EPHA6: variants seen among roughly 807,000 people sequenced by gnomAD.
EPHA6 encodes the protein EPH receptor A6, also known as ephrin type-A receptor 6.
In EPHA6, 50 loss-of-function variants were observed where a neutral mutation model predicts 112.0. The observed-to-expected ratio is 0.45, with a 90% CI of 0.36 to 0.56. The LOEUF is 0.56. EPHA6 is among the 20% of genes least tolerant of loss of function. EPHA6 has a pLI of 0.00. For missense variants in EPHA6, 1,280 were observed against 1,417.4 expected, an observed-to-expected ratio of 0.90 and a Z score of 1.56; for synonymous variants, 529 against 490.7, an observed-to-expected ratio of 1.08 and a Z score of -1.03.
rs1197703798 is a variant in EPHA6, at chr3:97,732,169, C to T, written c.2935-3756C>T. Among the ~76,000 whole-genome samples the T allele has an allele frequency of 2.0e-5, 3 of 151,724 alleles. No homozygotes were observed. The East Asian group carries it at 5.8e-4, about 29-fold the overall frequency. On this transcript the variant is annotated intron_variant, in intron 15 of 17. Coordinates refer to ENST00000389672, the MANE Select transcript of EPHA6 (RefSeq NM_001080448.3). ...CGTGATCTCAAGAAACATAATTTTA[C>T]GTAACCTCCCAACCTCAAAACTCAC... is the stretch of plus-strand genomic sequence containing the variant.
At chr3:96,913,044 T>C (rs2039297722) in intron 2 of EPHA6, among the ~76,000 whole-genome samples, 1 of 151,868 alleles carries the variant, frequency 6.6e-6, no homozygotes, top group Non-Finnish European at 1.5e-5. Context: ...ATGTGGATTT[T>C]AAGGCAGGGT....
chr3:97,607,809 T>C (rs1033790763), intron 12 of EPHA6, among the ~76,000 whole-genome samples: 4 of 151,160 alleles, frequency 2.6e-5, no homozygotes, highest in Non-Finnish European at 5.9e-5. Flanking sequence ...TAGAAAGAGA[T>C]AATAAATTAC....
intron 8 of EPHA6, among the ~76,000 whole-genome samples, chr3:97,476,497 T>G (rs1023794858): frequency 3.9e-5 from 6 of 152,096 alleles, no homozygotes; most frequent in African/African-American, 1.4e-4. Context: ...CCGAAAACAC[T>G]ATTTGTTTTT....
chr3:97,688,587 AG>A (rs1286404894), intron 14 of EPHA6, among the ~76,000 whole-genome samples: 2 of 69,666 alleles, frequency 2.9e-5, no homozygotes, highest in Non-Finnish European at 5.2e-5. Flanking sequence ...GGGTGGGGGG[AG>A]GGGGGAGGGA....
rs578048574 is a variant in EPHA6, at chr3:97,239,703, G to A, written c.1271-4249G>A. On this transcript the variant is annotated intron_variant, in intron 4 of 17. Coordinates refer to ENST00000389672, the MANE Select transcript of EPHA6 (RefSeq NM_001080448.3). ...AGGAGGAGGAGAGAAAGAAGGGCTT[G>A]TTCTTTCTGTCTCAGGGGAGGCAGA... 1.3e-4 allele frequency among the ~76,000 whole-genome samples: 19 copies of A among 151,864 alleles called. No individual in the cohort carries two copies. The South Asian group carries it at 4.0e-3, about 32-fold the overall frequency.
Position 97,736,000 on chromosome 3 carries a change from C to T in EPHA6, c.3010C>T (p.Leu1004Phe). The T allele has an allele frequency of 1.9e-6, 3 of 1,612,638 alleles. No homozygotes were observed. Among genetic ancestry groups the T allele is most frequent in the Non-Finnish European group, 2.5e-6 (3 of 1,179,102 alleles). Residue 1004 changes from leucine (L) to phenylalanine (F), a missense_variant, in exon 16 of 18, where the codon CTC (leucine) becomes TTC (phenylalanine). Around this residue, in one of 4 missense-constraint regions of EPHA6, gnomAD observed 37 missense variants for 92.9 expected, o/e 0.40. Coordinates refer to ENST00000389672, the MANE Select transcript of EPHA6 (RefSeq NM_001080448.3). ...GCPASLHQLM[L>F]HCWQKERNHR... ...TCCAGCATCTCTACACCAGCTGATG[C>T]TCCACTGCTGGCAGAAGGAGAGAAA...
intron 3 of EPHA6, among the ~76,000 whole-genome samples, chr3:97,187,662 G>GAAA (rs1341325103): frequency 9.8e-6 from 1 of 101,700 alleles, no homozygotes; most frequent in Non-Finnish European, 2.0e-5. Context: ...AAGAAAGAAA[G>GAAA]GAAAGAAAGA....
chr3:96,918,800 G>T (rs1416153143), intron 2 of EPHA6, among the ~76,000 whole-genome samples: 1 of 151,836 alleles, frequency 6.6e-6, no homozygotes, highest in Admixed American at 6.6e-5. Context: ...TTTTGTACAG[G>T]CTCTCATAAA....
chr3:97,076,965 C>T (rs2046547255), intron 3 of EPHA6, among the ~76,000 whole-genome samples: 1 of 152,084 alleles, frequency 6.6e-6, no homozygotes, highest in African/African-American at 2.4e-5. Context: ...GACAATGTAT[C>T]TAGTCACCCA....
rs527526261 is a variant in EPHA6, at chr3:97,416,925, C to T, written c.1731+11651C>T. On this transcript the variant is annotated intron_variant, in intron 6 of 17. Coordinates refer to ENST00000389672, the MANE Select transcript of EPHA6 (RefSeq NM_001080448.3). ...TTTATACCTCTCATTCTCTTCTTTC[C>T]CTTTTTTAAAGGCTCAGATCAAGGT... Among the ~76,000 whole-genome samples the T allele has an allele frequency of 3.3e-5, 5 of 152,078 alleles. No homozygotes were observed. In the South Asian group the frequency reaches 1.0e-3, roughly 32 times the overall value.
At chr3:97,507,892 G>C (rs2092287460) in intron 10 of EPHA6, among the ~76,000 whole-genome samples, 2 of 151,906 alleles carry the variant, frequency 1.3e-5, no homozygotes, top group Admixed American at 1.3e-4. Flanking sequence ...GCCTTGGGAG[G>C]GTGTACGTGT....
intron 3 of EPHA6, among the ~76,000 whole-genome samples, chr3:97,008,891 G>A (rs2043980978): frequency 6.6e-6 from 1 of 151,960 alleles, no homozygotes; most frequent in African/African-American, 2.4e-5. Flanking sequence ...CTCTTCTGTA[G>A]GGCTACTGCA....
At chr3:97,595,902 C>CTTTTTTTTT (rs1198606431) in intron 12 of EPHA6, among the ~76,000 whole-genome samples, 1 of 115,028 alleles carries the variant, frequency 8.7e-6, no homozygotes, top group Admixed American at 1.0e-4. Context: ...GACATATTCT[C>CTTTTTTTTT]TTTTTTTTTT....
intron 5 of EPHA6, among the ~76,000 whole-genome samples, chr3:97,271,556 G>A (rs1226291234): frequency 6.6e-6 from 1 of 152,064 alleles, no homozygotes; most frequent in Non-Finnish European, 1.5e-5. Flanking sequence ...CGGGGTTTCA[G>A]CATGTTGATC....
At chr3:97,281,722 G>A (rs1270832796) in intron 5 of EPHA6, among the ~76,000 whole-genome samples, 1 of 151,906 alleles carries the variant, frequency 6.6e-6, no homozygotes, top group Admixed American at 6.6e-5. Context: ...CTATTCTAAG[G>A]GCTTTACATG....
chr3:97,286,243 A>G (rs2080460316), intron 5 of EPHA6, among the ~76,000 whole-genome samples: 1 of 152,144 alleles, frequency 6.6e-6, no homozygotes. Context: ...TTAGTTTAAT[A>G]TACTCTATTA....
intron 3 of EPHA6, among the ~76,000 whole-genome samples, chr3:97,084,110 A>T (rs554796969): frequency 2.5e-5 from 3 of 118,278 alleles, no homozygotes; most frequent in Non-Finnish European, 5.1e-5. Context: ...GGATATATAT[A>T]TATATATATA....
At chr3:97,432,825 C>G (rs971494520) in intron 6 of EPHA6, among the ~76,000 whole-genome samples, 3 of 152,124 alleles carry the variant, frequency 2.0e-5, no homozygotes, top group African/African-American at 7.2e-5. Flanking sequence ...TGAGAACTCA[C>G]TCACTATCAC....
intron 4 of EPHA6, among the ~76,000 whole-genome samples, chr3:97,236,559 C>A (rs2078686334): frequency 6.6e-6 from 1 of 152,038 alleles, no homozygotes; most frequent in Admixed American, 6.6e-5. Context: ...AATTCTAATG[C>A]GTACCCTTAG....
Sources: allele counts gnomAD v4.1 joint callset (sites outside exome capture counted in the v4.1 genomes callset), GRCh38; gene constraint gnomAD v4.1.1; regional missense constraint gnomAD v4.1.1; transcripts MANE v1.5; gene names NCBI Gene and HGNC (gene_info 2026-07-23, HGNC 2026-07-21).